Variants in CFTR observed in about 807,000 individuals in gnomAD.
CFTR encodes the protein cystic fibrosis transmembrane conductance regulator.
Under a neutral mutation model 171.6 loss-of-function variants are expected in CFTR, and 181 were observed. The ratio of observed to expected loss-of-function variants is 1.05; its 90% CI spans 0.93 to 1.19. CFTR has a LOEUF of 1.19. Among genes scored for constraint, CFTR ranks in the 50% most tolerant of loss-of-function variants. CFTR has a pLI of 0.00. For missense variants in CFTR, 1,968 were observed against 1,734.7 expected (o/e 1.13, Z -2.39); for synonymous variants, 583 against 608.0 (o/e 0.96, Z 0.60).
At chr7:117,535,055 A>T (rs369486628) in intron 5 of CFTR, among the ~76,000 whole-genome samples, 193 bp from the exon 6 acceptor site, 2 of 152,332 alleles carry the variant, frequency 1.3e-5, no homozygotes, top group Admixed American at 6.5e-5. Flanking sequence ...GGGAAAACCG[A>T]TTCTATGTGT....
intron 1 of CFTR, among the ~76,000 whole-genome samples, chr7:117,502,612 C>T (rs1423067415): frequency 6.6e-6 from 1 of 152,152 alleles, no homozygotes; most frequent in Admixed American, 6.5e-5. Context: ...GGATAGTATG[C>T]ACCAGGTGGG....
chr7:117,579,576 AT>A (rs1350020336), intron 11 of CFTR, among the ~76,000 whole-genome samples: 1 of 151,478 alleles, frequency 6.6e-6, no homozygotes, highest in Non-Finnish European at 1.5e-5. Context: ...TGTTATTAGT[AT>A]TGTTAATATT....
chr7:117,606,643 T>C, intron 17 of CFTR, 31 bp from the exon 18 acceptor site: 7 of 1,204,710 alleles, frequency 5.8e-6, no homozygotes, highest in Non-Finnish European at 8.7e-6. Context: ...ATTAGTGTTT[T>C]TTGAGGAATT....
intron 23 of CFTR, among the ~76,000 whole-genome samples, chr7:117,650,247 A>C (rs536014401): frequency 6.6e-6 from 1 of 152,164 alleles, no homozygotes; most frequent in Non-Finnish European, 1.5e-5. Flanking sequence ...GAAGAAATCA[A>C]TTAGGAGGCT....
At chr7:117,633,203 T>C (rs1224971338) in intron 22 of CFTR, among the ~76,000 whole-genome samples, 1 of 152,224 alleles carries the variant, frequency 6.6e-6, no homozygotes, top group African/African-American at 2.4e-5. Context: ...GAATTTAGTT[T>C]TCCTCATATA....
intron 7 of CFTR, 82 bp downstream of exon 7, chr7:117,536,755 A>G (rs1177400697): frequency 8.7e-7 from 1 of 1,151,050 alleles, no homozygotes; most frequent in Non-Finnish European, 1.3e-6. Context: ...GTAGACTTCC[A>G]CCTCATATTT....
intron 24 of CFTR, among the ~76,000 whole-genome samples, chr7:117,659,412 T>A (rs575879611): frequency 6.6e-6 from 1 of 152,216 alleles, no homozygotes. Flanking sequence ...TAGTCTTGCA[T>A]ACATGGATGG....
chr7:117,505,125 G>A (rs973733876), intron 2 of CFTR, among the ~76,000 whole-genome samples: 1 of 152,170 alleles, frequency 6.6e-6, no homozygotes, highest in Non-Finnish European at 1.5e-5. Flanking sequence ...GCCACTCTGA[G>A]TGGAAAGCAT....
At chr7:117,628,875 C>A (rs927776200) in intron 22 of CFTR, among the ~76,000 whole-genome samples, 2 of 151,750 alleles carry the variant, frequency 1.3e-5, no homozygotes, top group Admixed American at 6.6e-5. Context: ...TTCCTGGGGT[C>A]GCCAAGATGA....
In CFTR at chr7:117,610,500, GT is replaced by G; in HGVS notation, c.2989-15del. 1 of 1,609,162 alleles carries G rather than the reference GT, an allele frequency of 6.2e-7. No individual in the cohort carries two copies. The highest frequency in any genetic ancestry group is 8.5e-7 in the Non-Finnish European group (1 of 1,176,456). ...TGTGAAAATGTTTACTCACCAACAT[GT>G]TTTCTTTGATCTTACAGTTGTTATT... On this transcript the variant is annotated intron_variant, in intron 18 of 26. Transcript: ENST00000003084.
At chr7:117,593,408 A>G (rs955300338) in intron 14 of CFTR, among the ~76,000 whole-genome samples, 1 of 152,230 alleles carries the variant, frequency 6.6e-6, no homozygotes, top group Non-Finnish European at 1.5e-5. Context: ...TATGTTTAAT[A>G]GTATAGATCA....
chr7:117,487,489 T>G (rs752071181), intron 1 of CFTR, among the ~76,000 whole-genome samples: 5 of 152,156 alleles, frequency 3.3e-5, no homozygotes, highest in Non-Finnish European at 7.4e-5. Context: ...AGAAATTCAA[T>G]GTGGTATGAA....
rs765928962 is a variant in CFTR at position 117,610,489 on chromosome 7, C to T, written c.2989-30C>T. ...CCACTTTGCAATGTGAAAATGTTTA[C>T]TCACCAACATGTTTTCTTTGATCTT... On this transcript the variant is annotated intron_variant, in intron 18 of 26. Transcript: ENST00000003084. 3.1e-6 allele frequency: 5 copies of T among 1,592,084 alleles called. No homozygotes were observed. In the African/African-American group the frequency reaches 6.8e-5, roughly 21 times the overall value.
At chr7:117,603,471 G>A (rs1792255055) in intron 16 of CFTR, 61 bp from the exon 17 acceptor site, 4 of 1,591,070 alleles carry the variant, frequency 2.5e-6, no homozygotes, top group South Asian at 1.1e-5. Flanking sequence ...CCATTTACAT[G>A]TATTGGAAAT....
Position 117,664,185 on chromosome 7 carries a change from GT to G in CFTR, c.3964-502del, listed in dbSNP as rs1257347431. Among the ~76,000 whole-genome samples the G allele has an allele frequency of 2.6e-5, 4 of 152,140 alleles. No individual in the cohort carries two copies. In the East Asian group the frequency reaches 7.7e-4, roughly 29 times the overall value. Reference sequence around the variant, plus strand: ...TATTTTATGCTATCTTTTGTCCTCAGTCATGACAGAGTAGAAGATGGGAGGT... The same window carrying G: ...TATTTTATGCTATCTTTTGTCCTCAGCATGACAGAGTAGAAGATGGGAGGT... On this transcript the variant is annotated intron_variant, in intron 24 of 26. Transcript: ENST00000003084.
intron 1 of CFTR, among the ~76,000 whole-genome samples, chr7:117,483,862 C>A (rs951564755): frequency 6.6e-6 from 1 of 152,124 alleles, no homozygotes; most frequent in Non-Finnish European, 1.5e-5. Context: ...GCGTAAGCCA[C>A]CTCACCCTGT....
chr7:117,612,035 A>ATATATATATATATGTATATATATATATG (rs1792408731), intron 20 of CFTR, among the ~76,000 whole-genome samples: 1 of 74,244 alleles, frequency 1.3e-5, no homozygotes, highest in Non-Finnish European at 2.8e-5. Flanking sequence ...ATATATATAT[A>ATATATATATATATGTATATATATATATG]TATATATATA....
At chr7:117,591,749 A>T (rs1284017356) in intron 13 of CFTR, among the ~76,000 whole-genome samples, 185 bp from the exon 14 acceptor site, 1 of 152,166 alleles carries the variant, frequency 6.6e-6, no homozygotes, top group Non-Finnish European at 1.5e-5. Flanking sequence ...ATGTTATTTC[A>T]TGCTATCAGA....
At chr7:117,544,256 A>C (rs558615287) in intron 9 of CFTR, among the ~76,000 whole-genome samples, 240 of 152,218 alleles carry the variant, frequency 1.6e-3, no homozygotes, top group Non-Finnish European at 2.6e-3. Context: ...CTATCTGTTG[A>C]CTCTAGTCAA....
Sources: allele counts gnomAD v4.1 joint callset (sites outside exome capture counted in the v4.1 genomes callset), GRCh38; gene constraint gnomAD v4.1.1; transcripts MANE v1.5; gene names NCBI Gene and HGNC (gene_info 2026-07-23, HGNC 2026-07-21).